The following ABCD4 variants were observed in gnomAD, a reference collection of about 807,000 sequenced individuals.
The protein encoded by ABCD4 is lysosomal cobalamin transporter ABCD4.
In ABCD4, 53 loss-of-function variants were observed where a neutral mutation model predicts 86.3. The ratio of observed to expected loss-of-function variants is 0.61; its 90% CI spans 0.49 to 0.77. The LOEUF (loss-of-function observed/expected upper bound fraction) is 0.77. ABCD4 is among the 30% of genes least tolerant of loss of function. The pLI is 0.00. For missense variants in ABCD4, 757 were observed against 764.5 expected (o/e 0.99, Z 0.12); for synonymous variants, 328 against 313.6 (o/e 1.05, Z -0.49).
intron 3 of ABCD4, among the ~76,000 whole-genome samples, chr14:74,298,527 T>C (rs1334429224): frequency 6.6e-6 from 1 of 152,214 alleles, no homozygotes; most frequent in Non-Finnish European, 1.5e-5. Flanking sequence ...CGCCTCGGCC[T>C]CTCAAAGTGC....
intron 5 of ABCD4, 113 bp downstream of exon 5, chr14:74,296,220 T>C (rs1338310172): frequency 3.3e-6 from 4 of 1,204,476 alleles, no homozygotes; most frequent in Non-Finnish European, 4.9e-6. Flanking sequence ...GGTGAGCACG[T>C]GGTAAGGTAC....
At position 74,290,495 on chromosome 14, in the gene ABCD4, G is replaced by A. The variant is rs1243757290; in HGVS notation, c.1123C>T (p.Pro375Ser). The part of the protein sequence containing the change: ...GESEWGLDTP[P>S]GWPAAEPADT... The stretch of plus-strand genomic sequence containing the variant: ...GCTGGCTCTGCCGCTGGCCACCCTG[G>A]GGGTCTGTGTCAGAGAAGAGAGGGG... The change falls in exon 12 of 19, where the codon CCA becomes TCA. Residue 375 changes from proline to serine, a missense_variant. Physicochemically the swap from Pro to Ser is moderately conservative, Grantham distance 74. Coordinates refer to ENST00000356924, the MANE Select transcript of ABCD4 (RefSeq NM_005050.4). 1 of 1,612,768 alleles carries A rather than the reference G, an allele frequency of 6.2e-7. No individual in the cohort carries two copies. Among genetic ancestry groups the A allele is most frequent in the Non-Finnish European group, 8.5e-7 (1 of 1,179,972 alleles).
intron 4 of ABCD4, chr14:74,297,647 A>T: frequency 9.7e-7 from 1 of 1,027,676 alleles, no homozygotes; most frequent in Non-Finnish European, 1.2e-6. Flanking sequence ...ACGGTGCACT[A>T]CTCCTGGGCT....
intron 11 of ABCD4, among the ~76,000 whole-genome samples, chr14:74,291,035 A>AT (rs2081357313): frequency 6.6e-6 from 1 of 152,152 alleles, no homozygotes; most frequent in Admixed American, 6.6e-5. Context: ...CCCTAATCCA[A>AT]TATGACTGGT....
intron 3 of ABCD4, 169 bp downstream of exon 3, chr14:74,299,379 G>C: frequency 1.2e-6 from 1 of 820,496 alleles, no homozygotes; most frequent in East Asian, 2.7e-5. Context: ...TGGGCCAATA[G>C]CAAGATCAAC....
chr14:74,295,993 AGAGG>A lies in ABCD4; in HGVS notation c.543-18_543-15del. On this transcript the variant is annotated splice_polypyrimidine_tract_variant and intron_variant, in intron 5 of 18. Coordinates refer to ENST00000356924, the MANE Select transcript of ABCD4 (RefSeq NM_005050.4). ...AGCCAGCCTGTGCTGAAATAGAGAG[AGAGG>A]GAGAGAAGGGAGAGGGTGTGGGGTG... The A allele has an allele frequency of 6.3e-7, 1 of 1,591,382 alleles. No homozygotes were observed. The highest frequency in any genetic ancestry group is 1.1e-5 in the South Asian group (1 of 88,232).
chr14:74,289,680 G>T, intron 13 of ABCD4, 161 bp from the exon 14 acceptor site: 1 of 1,454,366 alleles, frequency 6.9e-7, no homozygotes, highest in Non-Finnish European at 9.0e-7. Context: ...GCAGACAGCA[G>T]GGCAAGGTCC....
chr14:74,295,283 C>G, intron 6 of ABCD4, 85 bp from the exon 7 acceptor site: 1 of 1,516,132 alleles, frequency 6.6e-7, no homozygotes, highest in South Asian at 1.1e-5. Context: ...AAAGACCGCC[C>G]AAGCGGAGCC....
chr14:74,296,021 T>C (rs1594989818), intron 5 of ABCD4, 42 bp from the exon 6 acceptor site: 1 of 1,561,852 alleles, frequency 6.4e-7, no homozygotes, highest in Admixed American at 2.0e-5. Flanking sequence ...GGGTGTGGGG[T>C]GCCACCTATC....
Position 74,302,877 on chromosome 14 carries a change from G to A in ABCD4, c.36C>T (p.Ala12=), listed in dbSNP as rs1250240956. The A allele has an allele frequency of 1.2e-6, 2 of 1,607,312 alleles. No individual in the cohort carries two copies. The highest frequency in any genetic ancestry group is 1.1e-5 in the South Asian group (1 of 89,956). Residue 12 remains alanine (A), a splice_region_variant and synonymous_variant, in exon 1 of 19, where the codon GCC becomes GCT. Transcript: ENST00000356924. ...TCCTCCCCGACCGCCCTGCTTACCT[G>A]GCGCCAGCTCCGGGCGCGGGCCCCG... ...AVAGPAPGAG[A]RPRLDLQFLQ...
rs999912620 is a variant in ABCD4, at chr14:74,285,506, GGTTT to G, written c.*951_*954del. 2 of 152,060 alleles carry G rather than the reference GGTTT, an allele frequency of 1.3e-5. No individual in the cohort carries two copies. Among genetic ancestry groups the G allele is most frequent in the African/African-American group, 4.8e-5 (2 of 41,396 alleles). The allele number at this position is 152,060 out of a possible 1,614,324, so 9.4% of individuals were successfully genotyped here. On this transcript the variant is annotated 3_prime_UTR_variant, in exon 19 of 19. Transcript: ENST00000356924. Reference sequence around the variant, plus strand: ...CTTAAAAATCCATTTAAACTTAAAAGGTTTGTTTTTAAAAATATTAAGTAACTCA... The same window carrying G: ...CTTAAAAATCCATTTAAACTTAAAAGGTTTTTAAAAATATTAAGTAACTCA...
intron 11 of ABCD4, among the ~76,000 whole-genome samples, chr14:74,291,613 C>G (rs74063806): frequency 0.065 from 9,836 of 152,216 alleles, 1,077 homozygotes; most frequent in African/African-American, 0.22. Context: ...CCAGCCTCTG[C>G]ACTCATGGTT....
At chr14:74,292,974 C>T in intron 8 of ABCD4, 105 bp from the exon 9 acceptor site, 1 of 1,549,060 alleles carries the variant, frequency 6.5e-7, no homozygotes, top group South Asian at 1.2e-5. Flanking sequence ...CACGTGGACT[C>T]TCTGGATCCT....
In ABCD4 at chr14:74,298,046, G is replaced by A. The variant is rs751104040; in HGVS notation, c.309C>T (p.Thr103=). The A allele has an allele frequency of 5.6e-6, 9 of 1,613,928 alleles. No individual in the cohort carries two copies. Among genetic ancestry groups the A allele is most frequent in the Non-Finnish European group, 6.8e-6 (8 of 1,179,974 alleles). ...NSTLKSFDQF[T]CNLLYVSWRK... is the part of the protein sequence containing the mutation. ...TCCAGCTCACATACAGCAGGTTGCAGGTGAACTGATCAAAGCTCTTCAGCT... is the reference window on the plus strand; with the variant it reads ...TCCAGCTCACATACAGCAGGTTGCAAGTGAACTGATCAAAGCTCTTCAGCT... The change falls in exon 4 of 19, where the codon ACC becomes ACT. Residue 103 remains threonine, a synonymous_variant. Coordinates refer to ENST00000356924, the MANE Select transcript of ABCD4 (RefSeq NM_005050.4).
intron 17 of ABCD4, 32 bp downstream of exon 17, chr14:74,287,778 A>G: frequency 1.3e-6 from 2 of 1,587,964 alleles, no homozygotes; most frequent in East Asian, 2.3e-5. Context: ...CAGACAGCGC[A>G]TGGCATGTGC....
intron 1 of ABCD4, among the ~76,000 whole-genome samples, chr14:74,302,512 GATAAA>G (rs1311855895): frequency 1.3e-5 from 2 of 152,328 alleles, no homozygotes; most frequent in South Asian, 2.1e-4. Flanking sequence ...GAGAGGAAGT[GATAAA>G]ATAAACAAGG....
In ABCD4 at chr14:74,287,793, A is replaced by G; in HGVS notation, c.1636+17T>C. The G allele has an allele frequency of 6.2e-7, 1 of 1,604,764 alleles. No individual in the cohort carries two copies. The highest frequency in any genetic ancestry group is 8.5e-7 in the Non-Finnish European group (1 of 1,175,302). Reference sequence around the variant, plus strand: ...CAGACAGCGCATGGCATGTGCAGCCACAAGGCGAGACCTCACCTGCGTACT... The same window carrying G: ...CAGACAGCGCATGGCATGTGCAGCCGCAAGGCGAGACCTCACCTGCGTACT... On this transcript the variant is annotated intron_variant, in intron 17 of 18. Coordinates refer to ENST00000356924, the MANE Select transcript of ABCD4 (RefSeq NM_005050.4).
intron 17 of ABCD4, 98 bp downstream of exon 17, chr14:74,287,712 G>A (rs1566916006): frequency 4.1e-5 from 47 of 1,159,938 alleles, no homozygotes; most frequent in Non-Finnish European, 5.5e-5. Flanking sequence ...GAGAAGCCCA[G>A]CCATTCACAG....
At chr14:74,286,949 C>T (rs1308041739) in intron 17 of ABCD4, 133 bp from the exon 18 acceptor site, 3 of 756,906 alleles carry the variant, frequency 4.0e-6, no homozygotes, top group Non-Finnish European at 6.4e-6. Flanking sequence ...AGAAGCCCTG[C>T]CTCAGGGAGA....
Sources: gnomAD v4.1 joint callset for allele counts (sites outside exome capture counted in the v4.1 genomes callset) on GRCh38, gnomAD v4.1.1 for gene constraint, MANE v1.5 for transcripts, NCBI Gene and HGNC (gene_info 2026-07-23, HGNC 2026-07-21) for gene names.